Variants in FRAS1 observed in about 807,000 individuals in gnomAD.
FRAS1 encodes Fraser extracellular matrix complex subunit 1.
FRAS1 carries 290 observed loss-of-function variants against 435.2 expected under a neutral mutation model. The ratio of observed to expected loss-of-function variants is 0.67; its 90% confidence interval spans 0.61 to 0.73. FRAS1 has a LOEUF of 0.73. FRAS1 is among the 30% of genes least tolerant of loss of function. The probability of loss-of-function intolerance (pLI) is 0.00; values close to 1 mark genes in which losing one functional copy is unlikely to be tolerated. For synonymous variants in FRAS1, 1,800 were observed against 1,851.0 expected, an observed-to-expected ratio of 0.97 and a Z score of 0.71; for missense variants, 4,860 against 5,001.5, an observed-to-expected ratio of 0.97 and a Z score of 0.85.
chr4:78,441,534 C>T (rs1734659333), intron 41 of FRAS1, among the ~76,000 whole-genome samples: 1 of 152,170 alleles, frequency 6.6e-6, no homozygotes, highest in Non-Finnish European at 1.5e-5. Context: ...AAAACCCCCT[C>T]CCTTCACAGT....
chr4:78,080,543 G>C lies in FRAS1; in HGVS notation c.108+14527G>C, dbSNP rs568217156. Among the ~76,000 whole-genome samples, 17 of 152,284 alleles carry C rather than the reference G, an allele frequency of 1.1e-4. 1 individual carries two copies. In the South Asian group the frequency reaches 3.5e-3, roughly 32 times the overall value. Reference sequence around the variant, plus strand: ...TTAATTGGATACATTCTATGGTTCAGAGTTTGTGCATGTGAACAGTTGGTA... The same window carrying C: ...TTAATTGGATACATTCTATGGTTCACAGTTTGTGCATGTGAACAGTTGGTA... On this transcript the variant is annotated intron_variant, in intron 2 of 73. Coordinates refer to ENST00000512123, the MANE Select transcript of FRAS1 (RefSeq NM_025074.7).
intron 2 of FRAS1, among the ~76,000 whole-genome samples, chr4:78,174,500 G>A (rs932894216): frequency 1.3e-5 from 2 of 152,168 alleles, no homozygotes; most frequent in African/African-American, 4.8e-5. Context: ...TTGTTTTCCT[G>A]TAACCAGGCA....
chr4:78,393,493 G>A (rs1732533188), intron 29 of FRAS1, among the ~76,000 whole-genome samples: 1 of 151,926 alleles, frequency 6.6e-6, no homozygotes, highest in Non-Finnish European at 1.5e-5. Flanking sequence ...TTATGAGTTT[G>A]GCTATTTCAG....
chr4:78,466,363 C>T lies in FRAS1; in HGVS notation c.7185C>T (p.Leu2395=), dbSNP rs1474911370. 1 of 1,613,876 alleles carries T rather than the reference C, an allele frequency of 6.2e-7. No individual in the cohort carries two copies. Among genetic ancestry groups the T allele is most frequent in the African/African-American group, 1.3e-5 (1 of 74,926 alleles). The change falls in exon 50 of 74, where the codon CTC becomes CTT. Residue 2395 remains leucine, a synonymous_variant. Coordinates refer to ENST00000512123, the MANE Select transcript of FRAS1 (RefSeq NM_025074.7). ...VSYSHDGSNS[L]KDRFTFTVSD... is the part of the protein sequence containing the mutation. Reference sequence around the variant, plus strand: ...ACAGCCATGACGGCAGTAACTCCCTCAAGGACCGGTTCACCTTCACTGTTT... The same window carrying T: ...ACAGCCATGACGGCAGTAACTCCCTTAAGGACCGGTTCACCTTCACTGTTT...
At chr4:78,417,654 G>A (rs1188117572) in intron 32 of FRAS1, among the ~76,000 whole-genome samples, 1 of 152,152 alleles carries the variant, frequency 6.6e-6, no homozygotes, top group East Asian at 1.9e-4. Flanking sequence ...GTTCTAACCT[G>A]CAAATTCTGC....
intron 16 of FRAS1, 111 bp from the exon 17 acceptor site, chr4:78,317,257 G>A: frequency 8.2e-7 from 1 of 1,220,598 alleles, no homozygotes; most frequent in Non-Finnish European, 1.2e-6. Context: ...CCTTGGTTTG[G>A]TGTGACATCC....
intron 2 of FRAS1, among the ~76,000 whole-genome samples, chr4:78,089,614 C>G (rs956825168): frequency 6.6e-6 from 1 of 151,376 alleles, no homozygotes; most frequent in Non-Finnish European, 1.5e-5. Context: ...ACTCCAGGTC[C>G]CTTTGACTTC....
intron 15 of FRAS1, among the ~76,000 whole-genome samples, chr4:78,311,006 A>T (rs965721087): frequency 2.0e-5 from 3 of 152,252 alleles, no homozygotes; most frequent in Non-Finnish European, 4.4e-5. Flanking sequence ...ATTGCGTTCA[A>T]CAAATATTAG....
chr4:78,146,086 A>C (rs973814234), intron 2 of FRAS1, among the ~76,000 whole-genome samples: 13 of 152,122 alleles, frequency 8.5e-5, no homozygotes, highest in African/African-American at 3.1e-4. Flanking sequence ...GGACTACTAC[A>C]AGTACCCAGA....
intron 2 of FRAS1, among the ~76,000 whole-genome samples, chr4:78,119,737 G>T (rs10033428): frequency 0.22 from 32,998 of 152,102 alleles, 3,937 homozygotes; most frequent in Admixed American, 0.29. Flanking sequence ...TTCTGAGGAT[G>T]CTAATTCAGC....
intron 4 of FRAS1, among the ~76,000 whole-genome samples, chr4:78,250,634 T>G (rs1276050510): frequency 6.6e-6 from 1 of 152,214 alleles, no homozygotes; most frequent in African/African-American, 2.4e-5. Context: ...CTTCTGTGTC[T>G]AGTGATAAGC....
At chr4:78,186,196 G>T (rs1722260061) in intron 2 of FRAS1, among the ~76,000 whole-genome samples, 1 of 151,260 alleles carries the variant, frequency 6.6e-6, no homozygotes, top group South Asian at 2.1e-4. Flanking sequence ...TTTTTTTAGA[G>T]AGTTGAGAAA....
chr4:78,131,916 T>C (rs1418246087), intron 2 of FRAS1, among the ~76,000 whole-genome samples: 1 of 152,192 alleles, frequency 6.6e-6, no homozygotes, highest in Non-Finnish European at 1.5e-5. Flanking sequence ...CTGCATGGAT[T>C]TAAGTAGTTG....
rs765501057 is a variant in FRAS1 at position 78,450,205 on chromosome 4, A to G, written c.6329A>G (p.Asp2110Gly). ...QHLKVTDIDS[D>G]DHQVMYIMKE... ...TTGAAAGTGACAGATATTGACTCAG[A>G]TGACCATCAGGTTATGTACATCATG... Residue 2110 changes from aspartate (D) to glycine (G), a missense_variant, in exon 45 of 74, where the codon GAT becomes GGT. Asp to Gly is a moderately conservative substitution (Grantham distance 94, BLOSUM62 -1). Coordinates refer to ENST00000512123, the MANE Select transcript of FRAS1 (RefSeq NM_025074.7). The G allele has an allele frequency of 1.2e-6, 2 of 1,613,710 alleles. No individual in the cohort carries two copies. The highest frequency in any genetic ancestry group is 1.7e-6 in the Non-Finnish European group (2 of 1,179,776).
In FRAS1 at chr4:78,515,886, G is replaced by A. The variant is rs375509252; in HGVS notation, c.10262G>A (p.Arg3421Gln). Residue 3421 changes from arginine (R) to glutamine (Q), a missense_variant, in exon 66 of 74, where the codon CGA becomes CAA. By Grantham distance (43) the Arg-to-Gln change is conservative. Coordinates refer to ENST00000512123, the MANE Select transcript of FRAS1 (RefSeq NM_025074.7). Reference sequence around the variant, plus strand: ...CCCTTCCAGTTTGACCCCAGCGTGCGAGAGCCGAAGACCATCCAGCTCTAC... The same window carrying A: ...CCCTTCCAGTTTGACCCCAGCGTGCAAGAGCCGAAGACCATCCAGCTCTAC... ...DRPFQFDPSV[R>Q]EPKTIQLYKH... is the part of the protein sequence containing the mutation. 77 of 1,613,880 alleles carry A rather than the reference G, an allele frequency of 4.8e-5. No individual in the cohort carries two copies. Among genetic ancestry groups the A allele is most frequent in the Non-Finnish European group, 6.0e-5 (71 of 1,179,896 alleles).
In FRAS1 at chr4:78,475,477, G is replaced by A. The variant is rs569422992; in HGVS notation, c.7722G>A (p.Thr2574=). ...VSEKAGSVSV[T]VQRTGNLNQY... ...AGAAGGCAGGGTCTGTCAGTGTCACGGTGCAGAGGACTGGGAACCTGAACC... is the reference window on the plus strand; with the variant it reads ...AGAAGGCAGGGTCTGTCAGTGTCACAGTGCAGAGGACTGGGAACCTGAACC... The change falls in exon 54 of 74, where the codon ACG becomes ACA. Residue 2574 remains threonine, a synonymous_variant. Transcript: ENST00000512123. 2.7e-5 allele frequency: 44 copies of A among 1,613,892 alleles called. No homozygotes were observed. Among genetic ancestry groups the A allele is most frequent in the East Asian group, 2.7e-4 (12 of 44,860 alleles).
chr4:78,511,720 C>T (rs758770649), intron 64 of FRAS1, among the ~76,000 whole-genome samples: 1 of 152,194 alleles, frequency 6.6e-6, no homozygotes, highest in African/African-American at 2.4e-5. Flanking sequence ...TTTCACCGGC[C>T]ATTCCAACCA....
intron 36 of FRAS1, 151 bp from the exon 37 acceptor site, chr4:78,430,141 T>C (rs1734155108): frequency 2.3e-6 from 2 of 881,000 alleles, no homozygotes; most frequent in Non-Finnish European, 3.6e-6. Context: ...GTTTTTACTC[T>C]TTTGTGCCTG....
chr4:78,287,036 G>T (rs1262310418), intron 14 of FRAS1, among the ~76,000 whole-genome samples: 3 of 152,156 alleles, frequency 2.0e-5, no homozygotes, highest in African/African-American at 7.2e-5. Flanking sequence ...AATTTATGAA[G>T]AAAAGAGGTT....
Sources: allele counts gnomAD v4.1 joint callset (sites outside exome capture counted in the v4.1 genomes callset), GRCh38; gene constraint gnomAD v4.1.1; transcripts MANE v1.5; gene names NCBI Gene and HGNC (gene_info 2026-07-23, HGNC 2026-07-21).